GARRE1: variants seen among roughly 807,000 people sequenced by gnomAD.
GARRE1 encodes the protein granule associated Rac and RHOG effector protein 1.
In GARRE1, 49 loss-of-function variants were observed where a neutral mutation model predicts 103.2. That is an observed-to-expected ratio of 0.47 (90% CI 0.38 to 0.60). The LOEUF is 0.60. Ranked by LOEUF, GARRE1 falls within the 20% of genes least tolerant of loss-of-function variation. The pLI is 0.00. For missense variants in GARRE1, 1,199 were observed against 1,370.5 expected, an observed-to-expected ratio of 0.87 and a Z score of 1.98; for synonymous variants, 505 against 532.8, an observed-to-expected ratio of 0.95 and a Z score of 0.72.
At chr19:34,309,437 A>C (rs2074026937) in intron 2 of GARRE1, among the ~76,000 whole-genome samples, 1 of 152,230 alleles carries the variant, frequency 6.6e-6, no homozygotes, top group Admixed American at 6.5e-5. Flanking sequence ...ACTTCAAAAA[A>C]AGAAAAAAGA....
chr19:34,323,280 C>G (rs530053037), intron 3 of GARRE1, among the ~76,000 whole-genome samples: 1 of 152,186 alleles, frequency 6.6e-6, no homozygotes, highest in South Asian at 2.1e-4. Context: ...GTCTGCCCGC[C>G]TCAGCCTCCC....
chr19:34,283,830 CTTTTTTTTTT>C (rs11335136), intron 1 of GARRE1, among the ~76,000 whole-genome samples: 3 of 117,256 alleles, frequency 2.6e-5, no homozygotes, highest in Non-Finnish European at 5.1e-5. Context: ...TTCTTTCTTT[CTTTTTTTTTT>C]TTTTTTTTTG....
rs1416915727 is a variant in GARRE1, at chr19:34,344,603, A to AG, written c.2521+2148_2521+2149insG. ...GAGACTCCGTCTCAAAAAAAAAAAAAAAAGAGGACACTCCTTGCTGAAACA... is the reference window on the plus strand; with the variant it reads ...GAGACTCCGTCTCAAAAAAAAAAAAAGAAAGAGGACACTCCTTGCTGAAACA... On this transcript the variant is annotated intron_variant, in intron 10 of 13. Transcript: ENST00000299505. Among the ~76,000 whole-genome samples, 3 of 151,944 alleles carry AG rather than the reference A, an allele frequency of 2.0e-5. No homozygotes were observed. In the East Asian group the frequency reaches 5.8e-4, roughly 30 times the overall value.
intron 2 of GARRE1, among the ~76,000 whole-genome samples, chr19:34,310,963 T>C (rs1253102390): frequency 1.3e-5 from 2 of 152,104 alleles, no homozygotes; most frequent in Admixed American, 6.6e-5. Flanking sequence ...TTTTTCTTTT[T>C]TCCTTTCTTC....
At chr19:34,316,930 C>T (rs1347529990) in intron 2 of GARRE1, among the ~76,000 whole-genome samples, 1 of 152,188 alleles carries the variant, frequency 6.6e-6, no homozygotes, top group East Asian at 1.9e-4. Flanking sequence ...GTCTCTTCCC[C>T]CACTCCTTCC....
At chr19:34,315,507 C>A (rs2074055878) in intron 2 of GARRE1, among the ~76,000 whole-genome samples, 1 of 152,020 alleles carries the variant, frequency 6.6e-6, no homozygotes, top group Non-Finnish European at 1.5e-5. Flanking sequence ...ATCAGGAGAT[C>A]AAGACCATCC....
intron 9 of GARRE1, 137 bp from the exon 10 acceptor site, chr19:34,341,285 T>C (rs2074184319): frequency 1.5e-6 from 1 of 684,018 alleles, no homozygotes; most frequent in Non-Finnish European, 2.5e-6. Flanking sequence ...TGTTCATTTA[T>C]ATATAAAATA....
At chr19:34,322,297 G>A (rs1420585663) in intron 3 of GARRE1, among the ~76,000 whole-genome samples, 1 of 149,908 alleles carries the variant, frequency 6.7e-6, no homozygotes, top group South Asian at 2.1e-4. Flanking sequence ...TCAGCCTCCC[G>A]AGTAGCTGGG....
intron 1 of GARRE1, among the ~76,000 whole-genome samples, chr19:34,279,334 T>G (rs780576693): frequency 7.2e-5 from 11 of 152,156 alleles, no homozygotes; most frequent in Non-Finnish European, 1.0e-4. Flanking sequence ...AGTGTCTCGC[T>G]CTCCGTCCCA....
At chr19:34,295,474 C>A (rs1019286530) in intron 1 of GARRE1, among the ~76,000 whole-genome samples, 18 of 151,470 alleles carry the variant, frequency 1.2e-4, no homozygotes, top group African/African-American at 4.1e-4. Flanking sequence ...TCTTTCCCTC[C>A]CCTTTTTAGG....
chr19:34,276,571 A>G (rs1568526188), intron 1 of GARRE1, among the ~76,000 whole-genome samples: 1 of 152,216 alleles, frequency 6.6e-6, no homozygotes, highest in South Asian at 2.1e-4. Context: ...CTCCATCCAC[A>G]TCAAGCCTGA....
intron 1 of GARRE1, among the ~76,000 whole-genome samples, chr19:34,262,052 C>T (rs534564913): frequency 2.6e-5 from 4 of 151,990 alleles, no homozygotes; most frequent in Non-Finnish European, 4.4e-5. Context: ...GGCAGGATCT[C>T]GACTTACTGC....
At chr19:34,305,089 G>C (rs556547894) in intron 2 of GARRE1, among the ~76,000 whole-genome samples, 3 of 152,338 alleles carry the variant, frequency 2.0e-5, no homozygotes, top group East Asian at 3.9e-4. Context: ...ACCGTGCCCG[G>C]CGGGCTTGTC....
chr19:34,284,127 C>CTTTTTTT (rs10608784), intron 1 of GARRE1, among the ~76,000 whole-genome samples: 1 of 73,436 alleles, frequency 1.4e-5, no homozygotes, highest in Non-Finnish European at 2.5e-5. Context: ...GCCCGGCTTT[C>CTTTTTTT]TTTTTTTTTT....
chr19:34,287,061 C>A (rs747259766), intron 1 of GARRE1, among the ~76,000 whole-genome samples: 1 of 150,996 alleles, frequency 6.6e-6, no homozygotes, highest in Non-Finnish European at 1.5e-5. Context: ...ATGGCGTGAA[C>A]CCAGGGGGCG....
intron 1 of GARRE1, among the ~76,000 whole-genome samples, chr19:34,281,207 A>G (rs2073851002): frequency 6.6e-6 from 1 of 152,060 alleles, no homozygotes; most frequent in South Asian, 2.1e-4. Context: ...TGCAGCCTCC[A>G]CCACCTGGGC....
At chr19:34,305,399 A>C (rs922102621) in intron 2 of GARRE1, among the ~76,000 whole-genome samples, 1 of 152,196 alleles carries the variant, frequency 6.6e-6, no homozygotes, top group African/African-American at 2.4e-5. Flanking sequence ...CTCTCCTAGA[A>C]AGTGTTGAAC....
intron 1 of GARRE1, among the ~76,000 whole-genome samples, chr19:34,266,851 G>A (rs1454059654): frequency 1.3e-5 from 2 of 151,856 alleles, no homozygotes; most frequent in Admixed American, 6.6e-5. Flanking sequence ...ATTATAGTTC[G>A]ATTTACCTAT....
intron 1 of GARRE1, among the ~76,000 whole-genome samples, chr19:34,272,590 A>C (rs1298771258): frequency 6.6e-6 from 1 of 152,136 alleles, no homozygotes; most frequent in Non-Finnish European, 1.5e-5. Context: ...TGAATTTGGG[A>C]ATCATCAGCA....
Sources: gnomAD v4.1 joint callset for allele counts (sites outside exome capture counted in the v4.1 genomes callset) on GRCh38, gnomAD v4.1.1 for gene constraint, MANE v1.5 for transcripts, NCBI Gene and HGNC (gene_info 2026-07-23, HGNC 2026-07-21) for gene names.